Variants in LAPTM4B observed in about 807,000 individuals in gnomAD.
LAPTM4B encodes the protein lysosomal protein transmembrane 4 beta, also known as lysosomal-associated transmembrane protein 4B.
In LAPTM4B, 26 loss-of-function variants were observed where a neutral mutation model predicts 28.5. The ratio of observed to expected loss-of-function variants is 0.91; its 90% confidence interval spans 0.67 to 1.27. The LOEUF (loss-of-function observed/expected upper bound fraction) is 1.27. Among genes scored for constraint, LAPTM4B ranks in the 50% most tolerant of loss-of-function variants. The pLI is 0.00. For synonymous variants in LAPTM4B, 109 were observed against 106.4 expected (o/e 1.02, Z -0.15); for missense variants, 288 against 285.8 (o/e 1.01, Z -0.06).
intron 6 of LAPTM4B, among the ~76,000 whole-genome samples, chr8:97,835,285 T>G (rs1450131210): frequency 6.6e-6 from 1 of 152,236 alleles, no homozygotes; most frequent in Non-Finnish European, 1.5e-5. Flanking sequence ...AAAATGAATG[T>G]GGTTTTTCCT....
chr8:97,837,787 T>A (rs1817285046), intron 6 of LAPTM4B, among the ~76,000 whole-genome samples: 1 of 129,662 alleles, frequency 7.7e-6, no homozygotes, highest in African/African-American at 2.5e-5. Context: ...AGAAGATTCT[T>A]CAGGAATTGG....
At chr8:97,781,324 G>A (rs1816309910) in intron 1 of LAPTM4B, among the ~76,000 whole-genome samples, 1 of 90,934 alleles carries the variant, frequency 1.1e-5, no homozygotes, top group Non-Finnish European at 2.0e-5. Flanking sequence ...TTATTGCTCA[G>A]GCCGAAGTGC....
chr8:97,828,001 T>A (rs1316943722), intron 6 of LAPTM4B, among the ~76,000 whole-genome samples: 1 of 152,168 alleles, frequency 6.6e-6, no homozygotes, highest in Non-Finnish European at 1.5e-5. Flanking sequence ...TTTTTCTTCT[T>A]TTGTGGTTTT....
At chr8:97,791,715 C>A (rs928887016) in intron 1 of LAPTM4B, among the ~76,000 whole-genome samples, 1 of 152,040 alleles carries the variant, frequency 6.6e-6, no homozygotes, top group Non-Finnish European at 1.5e-5. Context: ...CTGGTAAGAG[C>A]GTATATGGCA....
intron 2 of LAPTM4B, 120 bp downstream of exon 2, chr8:97,805,584 A>G: frequency 3.0e-6 from 2 of 670,270 alleles, no homozygotes; most frequent in South Asian, 1.8e-5. Flanking sequence ...TGTCATTGCA[A>G]ATCAACGAAT....
intron 4 of LAPTM4B, among the ~76,000 whole-genome samples, chr8:97,818,530 T>C (rs1188873324): frequency 2.0e-5 from 3 of 152,174 alleles, no homozygotes; most frequent in Admixed American, 6.5e-5. Context: ...TTGACCTGGT[T>C]GTTAAGCATT....
At chr8:97,814,692 TTTTA>T (rs750244063) in intron 2 of LAPTM4B, among the ~76,000 whole-genome samples, 82 of 152,048 alleles carry the variant, frequency 5.4e-4, no homozygotes, top group Non-Finnish European at 1.0e-3. Flanking sequence ...AAGGTTTTAT[TTTTA>T]TTTATTTATT....
intron 1 of LAPTM4B, among the ~76,000 whole-genome samples, chr8:97,789,067 T>C (rs1362414306): frequency 2.0e-5 from 3 of 147,580 alleles, no homozygotes; most frequent in Non-Finnish European, 4.4e-5. Context: ...TATTTATTTA[T>C]TTATTTATTT....
chr8:97,790,644 C>T lies in LAPTM4B; in HGVS notation c.99+14536C>T, dbSNP rs149059606. Among the ~76,000 whole-genome samples, 5 of 152,140 alleles carry T rather than the reference C, an allele frequency of 3.3e-5. No individual in the cohort carries two copies. In the East Asian group the frequency reaches 9.7e-4, roughly 30 times the overall value. On this transcript the variant is annotated intron_variant, in intron 1 of 6. Coordinates refer to ENST00000521545, the MANE Select transcript of LAPTM4B (RefSeq NM_018407.6). ...TATTTTTAGTGGAAATGGGGTTTCACCACATTGGCCAGGGTAGTCTCAAAC... is the reference window on the plus strand; with the variant it reads ...TATTTTTAGTGGAAATGGGGTTTCATCACATTGGCCAGGGTAGTCTCAAAC...
At chr8:97,807,694 G>A (rs1363643789) in intron 2 of LAPTM4B, among the ~76,000 whole-genome samples, 16 of 152,046 alleles carry the variant, frequency 1.1e-4, no homozygotes. Context: ...AAAAAGAAAA[G>A]GCAACGGGGC....
chr8:97,822,990 T>C (rs945473999), intron 5 of LAPTM4B, among the ~76,000 whole-genome samples: 9 of 151,866 alleles, frequency 5.9e-5, no homozygotes, highest in African/African-American at 1.7e-4. Flanking sequence ...TACAGGCGCC[T>C]GCCACCATGC....
intron 1 of LAPTM4B, among the ~76,000 whole-genome samples, chr8:97,781,278 CTTTTT>C (rs71271147): frequency 1.4e-4 from 7 of 50,840 alleles, no homozygotes; most frequent in East Asian, 1.5e-3. Context: ...TGTGCCCGGC[CTTTTT>C]TTTTTTTTTT....
intron 1 of LAPTM4B, among the ~76,000 whole-genome samples, chr8:97,783,406 C>T (rs1282586301): frequency 5.3e-5 from 8 of 152,056 alleles, no homozygotes; most frequent in Non-Finnish European, 8.8e-5. Flanking sequence ...ACCAGAATAT[C>T]TCACCCAAAA....
In LAPTM4B at chr8:97,791,937, A is replaced by G. The variant is rs1816503486; in HGVS notation, c.100-13416A>G. The stretch of plus-strand genomic sequence containing the variant: ...GGTTTCTTAGTTTAGTTCATCACCT[A>G]TGAGGAAGACGTCCTAAAAGGATGG... On this transcript the variant is annotated intron_variant, in intron 1 of 6. Coordinates refer to ENST00000521545, the MANE Select transcript of LAPTM4B (RefSeq NM_018407.6). 6.6e-5 allele frequency among the ~76,000 whole-genome samples: 10 copies of G among 152,156 alleles called. 1 individual carries two copies. The South Asian group carries it at 2.1e-3, about 31-fold the overall frequency.
chr8:97,825,869 G>A (rs924693898), intron 6 of LAPTM4B, among the ~76,000 whole-genome samples: 1 of 152,334 alleles, frequency 6.6e-6, no homozygotes, highest in East Asian at 1.9e-4. Flanking sequence ...TAGTGAAAAC[G>A]ATGGGGATGG....
intron 1 of LAPTM4B, 96 bp downstream of exon 1, chr8:97,776,204 A>C: frequency 7.6e-7 from 1 of 1,308,752 alleles, no homozygotes; most frequent in Middle Eastern, 2.7e-4. Flanking sequence ...GCGTGCGCTC[A>C]TCCGCCTAAA....
intron 2 of LAPTM4B, among the ~76,000 whole-genome samples, chr8:97,814,953 A>G (rs1220654527): frequency 6.6e-6 from 1 of 152,136 alleles, no homozygotes; most frequent in Non-Finnish European, 1.5e-5. Context: ...CGGCCTCCCA[A>G]AGTGTTGGGA....
At chr8:97,842,917 C>T (rs75111648) in intron 6 of LAPTM4B, among the ~76,000 whole-genome samples, 25,451 of 149,896 alleles carry the variant, frequency 0.17, 2,251 homozygotes, top group East Asian at 0.23. Context: ...CTCACGCTCT[C>T]ACCCAGGCTG....
chr8:97,786,717 A>AAC (rs532624807), intron 1 of LAPTM4B, among the ~76,000 whole-genome samples: 11,697 of 150,168 alleles, frequency 0.078, 541 homozygotes, highest in Admixed American at 0.12. Context: ...AAAAAAAAAA[A>AAC]CCATTAACCT....
Sources: gnomAD v4.1 joint callset for allele counts (sites outside exome capture counted in the v4.1 genomes callset) on GRCh38, gnomAD v4.1.1 for gene constraint, MANE v1.5 for transcripts, NCBI Gene and HGNC (gene_info 2026-07-23, HGNC 2026-07-21) for gene names.